Variants in CFAP54 observed in about 807,000 individuals in gnomAD.
CFAP54 encodes the protein cilia and flagella associated protein 54.
In CFAP54, 290 loss-of-function variants were observed where a neutral mutation model predicts 370.4. That is an observed-to-expected ratio of 0.78 (90% CI 0.71 to 0.86). CFAP54 has a LOEUF of 0.86. CFAP54 is among the 40% of genes least tolerant of loss of function. CFAP54 has a pLI of 0.00. For synonymous variants in CFAP54, 1,206 were observed against 1,236.5 expected, an observed-to-expected ratio of 0.98 and a Z score of 0.52; for missense variants, 3,399 against 3,528.7, an observed-to-expected ratio of 0.96 and a Z score of 0.93.
chr12:96,511,338 A>T (rs1433123345), intron 4 of CFAP54, among the ~76,000 whole-genome samples: 1 of 151,998 alleles, frequency 6.6e-6, no homozygotes. Context: ...TATTTTTTTG[A>T]GATGGAGACT....
At position 96,489,592 on chromosome 12, in the gene CFAP54, G is replaced by T; in HGVS notation, c.-18G>T. ...AACCGCGTGTACACATACTCCAGGC[G>T]GGCCGGGGCGCGTCAATATGGCGGC... On this transcript the variant is annotated 5_prime_UTR_variant, in exon 1 of 68. Coordinates refer to ENST00000524981, the MANE Select transcript of CFAP54 (RefSeq NM_001306084.2). 1.3e-6 allele frequency: 2 copies of T among 1,502,198 alleles called. No individual in the cohort carries two copies. The highest frequency in any genetic ancestry group is 8.9e-7 in the Non-Finnish European group (1 of 1,125,844). 93.1% of individuals were successfully genotyped at this position (1,502,198 alleles called of 1,614,324 possible).
rs1792406808 is a variant in CFAP54, at chr12:96,585,954, C to T, written c.3076-3473C>T. ...ATCAGAACCACACTTTGGATGGGGG[C>T]CCATCTTGCTTTGCAGGGGAGTCTC... On this transcript the variant is annotated intron_variant, in intron 22 of 67. Transcript: ENST00000524981. 2.6e-5 allele frequency among the ~76,000 whole-genome samples: 4 copies of T among 152,152 alleles called. No homozygotes were observed. The South Asian group carries it at 8.3e-4, about 32-fold the overall frequency.
intron 64 of CFAP54, 26 bp downstream of exon 64, chr12:96,811,868 T>C (rs1278859707): frequency 3.1e-6 from 4 of 1,288,132 alleles, no homozygotes; most frequent in South Asian, 2.8e-5. Flanking sequence ...ACAACTCGAA[T>C]TGTCTTTGTT....
At position 96,743,462 on chromosome 12, in the gene CFAP54, C is replaced by A. The variant is rs76912910; in HGVS notation, c.7280C>A (p.Ala2427Glu). 9.7e-4 allele frequency: 1,559 copies of A among 1,614,048 alleles called. 13 individuals are homozygous for A. In the African/African-American group the frequency reaches 0.018, roughly 19 times the overall value. The change falls in exon 53 of 68, where the codon GCA (alanine) becomes GAA (glutamate). Residue 2427 changes from alanine to glutamate, a missense_variant. This residue lies in a region of CFAP54 where 2,796 missense variants were observed against 2,869.7 expected (regional missense o/e 0.97). Coordinates refer to ENST00000524981, the MANE Select transcript of CFAP54 (RefSeq NM_001306084.2). ...GAAGTGTGTATGGAGGCAAAAAGCG[C>A]AGGGGACACGGAACTGCAGGCTGAA... ...INEVCMEAKS[A>E]GDTELQAEFL...
rs144940068 is a variant in CFAP54, at chr12:96,719,521, C to T, written c.6805-884C>T. On this transcript the variant is annotated intron_variant, in intron 49 of 67. Coordinates refer to ENST00000524981, the MANE Select transcript of CFAP54 (RefSeq NM_001306084.2). ...TACCAACTAGGTGACCATACTTTAA[C>T]TTGAAATACAGTTGATCCACATTAT... Among the ~76,000 whole-genome samples, 3 of 152,336 alleles carry T rather than the reference C, an allele frequency of 2.0e-5. No individual in the cohort carries two copies. In the East Asian group the frequency reaches 5.8e-4, roughly 29 times the overall value.
At position 96,503,965 on chromosome 12, in the gene CFAP54, A is replaced by T. The variant is rs1316554370; in HGVS notation, c.503A>T (p.Asp168Val). The T allele has an allele frequency of 2.6e-6, 4 of 1,526,636 alleles. No homozygotes were observed. The Admixed American group carries it at 8.2e-5, about 31-fold the overall frequency. 94.6% of individuals were successfully genotyped at this position (1,526,636 alleles called of 1,614,324 possible). A position where few individuals can be genotyped will look rare whatever the true frequency, so the allele number is the denominator to read the frequency against. Residue 168 changes from aspartate to valine, a missense_variant, in exon 3 of 68, where the codon GAT becomes GTT. This residue lies in a region of CFAP54 where 559 missense variants were observed against 576.7 expected (regional missense o/e 0.97). Transcript: ENST00000524981. Reference protein sequence around the residue: ...FNTNFDENKVDVTQFKATFFP... With the variant: ...FNTNFDENKVVVTQFKATFFP... ...ACCAATTTTGATGAGAATAAAGTGGATGTAACTCAATTCAAAGCTACCTTT... is the reference window on the plus strand; with the variant it reads ...ACCAATTTTGATGAGAATAAAGTGGTTGTAACTCAATTCAAAGCTACCTTT...
At chr12:96,510,887 C>T (rs1463430247) in intron 4 of CFAP54, among the ~76,000 whole-genome samples, 3 of 150,474 alleles carry the variant, frequency 2.0e-5, no homozygotes, top group Middle Eastern at 3.4e-3. Flanking sequence ...CACTTGAACC[C>T]GGGAGGTGGA....
In CFAP54 at chr12:96,743,850, C is replaced by T. The variant is rs1958080856; in HGVS notation, c.7497C>T (p.Pro2499=). ...AAGCTGAGAAATTCAAGGAATCTCCCTCTTCAAAAACAGGAAAATTAAATT... is the reference window on the plus strand; with the variant it reads ...AAGCTGAGAAATTCAAGGAATCTCCTTCTTCAAAAACAGGAAAATTAAATT... ...LTKAEKFKES[P]SSKTGKLNLL... is the part of the protein sequence containing the mutation. The change falls in exon 54 of 68, where the codon CCC becomes CCT. Residue 2499 remains proline, a synonymous_variant. Coordinates refer to ENST00000524981, the MANE Select transcript of CFAP54 (RefSeq NM_001306084.2). The T allele has an allele frequency of 8.7e-6, 14 of 1,613,844 alleles. No homozygotes were observed. The highest frequency in any genetic ancestry group is 1.1e-5 in the Non-Finnish European group (13 of 1,179,902).
At chr12:96,503,794 C>G (rs756590417) in intron 2 of CFAP54, 92 bp from the exon 3 acceptor site, 106 of 1,138,064 alleles carry the variant, frequency 9.3e-5, no homozygotes, top group Non-Finnish European at 1.3e-4. Context: ...AATAATCAAC[C>G]TTGATACTAT....
intron 1 of CFAP54, among the ~76,000 whole-genome samples, chr12:96,497,878 AAGAT>A (rs1463166521): frequency 1.3e-5 from 2 of 152,228 alleles, no homozygotes; most frequent in Admixed American, 6.5e-5. Flanking sequence ...GTTTAAAACA[AAGAT>A]AGTGTGTTCA....
chr12:96,803,739 A>C (rs181597385), intron 63 of CFAP54, among the ~76,000 whole-genome samples: 2 of 152,334 alleles, frequency 1.3e-5, no homozygotes, highest in East Asian at 3.9e-4. Context: ...AGGAAAAAAT[A>C]ATTGTCCCCT....
At chr12:96,579,641 A>G (rs929014147) in intron 20 of CFAP54, among the ~76,000 whole-genome samples, 14 of 152,210 alleles carry the variant, frequency 9.2e-5, no homozygotes, top group African/African-American at 3.1e-4. Context: ...GGAAGAAGGT[A>G]ATGACACAGT....
intron 15 of CFAP54, among the ~76,000 whole-genome samples, chr12:96,552,895 A>G (rs1955710316): frequency 6.6e-6 from 1 of 152,200 alleles, no homozygotes; most frequent in African/African-American, 2.4e-5. Flanking sequence ...GGGCATTTGC[A>G]TGAATTTGTA....
chr12:96,572,857 C>G, intron 19 of CFAP54: 2 of 985,328 alleles, frequency 2.0e-6, no homozygotes, highest in Non-Finnish European at 2.4e-6. Context: ...TGAGAAATGT[C>G]TATGTTATAG....
intron 12 of CFAP54, among the ~76,000 whole-genome samples, chr12:96,535,947 T>C (rs1444538209): frequency 6.6e-6 from 1 of 152,204 alleles, no homozygotes; most frequent in Non-Finnish European, 1.5e-5. Context: ...TTGCACACAA[T>C]GGCCAGTATT....
At chr12:96,752,117 A>ATT (rs1958192392) in intron 55 of CFAP54, among the ~76,000 whole-genome samples, 3 of 151,450 alleles carry the variant, frequency 2.0e-5, no homozygotes, top group African/African-American at 7.3e-5. Context: ...AGAGAGAGAG[A>ATT]GAGAGAGAGA....
intron 63 of CFAP54, among the ~76,000 whole-genome samples, chr12:96,797,175 G>A (rs1412346037): frequency 6.6e-6 from 1 of 151,880 alleles, no homozygotes; most frequent in African/African-American, 2.4e-5. Flanking sequence ...CCCAGATTGT[G>A]TTGTTTTGTG....
intron 14 of CFAP54, among the ~76,000 whole-genome samples, chr12:96,546,077 C>A (rs1955637740): frequency 6.6e-6 from 1 of 152,162 alleles, no homozygotes; most frequent in African/African-American, 2.4e-5. Flanking sequence ...AGTTTGTAGC[C>A]AGCTGGTCAG....
In CFAP54 at chr12:96,765,076, G is replaced by A; in HGVS notation, c.8140-1G>A. 1 of 1,433,492 alleles carries A rather than the reference G, an allele frequency of 7.0e-7. No homozygotes were observed. The highest frequency in any genetic ancestry group is 1.4e-5 in the African/African-American group (1 of 71,670). The allele number at this position is 1,433,492 out of a possible 1,614,324, so 88.8% of individuals were successfully genotyped here. Reference sequence around the variant, plus strand: ...AATTCTAATTTATGCATTAATTGTAGGTCAGTGAAGCTGTGCTGGCAATTA... The same window carrying A: ...AATTCTAATTTATGCATTAATTGTAAGTCAGTGAAGCTGTGCTGGCAATTA... On this transcript the variant is annotated splice_acceptor_variant, in intron 59 of 67. Transcript: ENST00000524981. LOFTEE classifies it high-confidence loss of function.
Sources: allele counts gnomAD v4.1 joint callset (sites outside exome capture counted in the v4.1 genomes callset), GRCh38; gene constraint gnomAD v4.1.1; regional missense constraint gnomAD v4.1.1; transcripts MANE v1.5; gene names NCBI Gene and HGNC (gene_info 2026-07-23, HGNC 2026-07-21).